KIF16B: variants seen among roughly 807,000 people sequenced by gnomAD.
KIF16B encodes the protein kinesin family member 16B.
A neutral mutation model predicts 156.3 loss-of-function variants in KIF16B; 98 were observed. That is an observed-to-expected ratio of 0.63 (90% CI 0.53 to 0.74). KIF16B has a LOEUF of 0.74. Among genes scored for constraint, KIF16B ranks in the 30% least tolerant of loss-of-function variants. The probability of loss-of-function intolerance (pLI) is 0.00; values close to 1 mark genes in which losing one functional copy is unlikely to be tolerated. For synonymous variants in KIF16B, 564 were observed against 583.7 expected, an observed-to-expected ratio of 0.97 and a Z score of 0.49; for missense variants, 1,421 against 1,606.5, an observed-to-expected ratio of 0.88 and a Z score of 1.97.
chr20:16,496,204 T>G (rs181105030), intron 11 of KIF16B, among the ~76,000 whole-genome samples: 77 of 152,316 alleles, frequency 5.1e-4, no homozygotes, highest in Non-Finnish European at 9.8e-4. Context: ...AAAAGACTGG[T>G]GTACTGAATT....
intron 1 of KIF16B, among the ~76,000 whole-genome samples, chr20:16,543,916 G>A (rs1600666759): frequency 6.6e-6 from 1 of 152,140 alleles, no homozygotes; most frequent in South Asian, 2.1e-4. Flanking sequence ...CTCAGTAAGC[G>A]ATCAATACTT....
At chr20:16,402,997 G>A (rs2065693042) in intron 17 of KIF16B, among the ~76,000 whole-genome samples, 1 of 152,178 alleles carries the variant, frequency 6.6e-6, no homozygotes, top group Admixed American at 6.5e-5. Flanking sequence ...GCAAAGAGGG[G>A]CCCATGGCTA....
intron 6 of KIF16B, among the ~76,000 whole-genome samples, chr20:16,511,208 G>T (rs2068945126): frequency 6.6e-6 from 1 of 152,198 alleles, no homozygotes; most frequent in Non-Finnish European, 1.5e-5. Context: ...AAATCTATTG[G>T]TAAGCCTCAT....
chr20:16,437,742 G>A (rs1257874496), intron 12 of KIF16B, among the ~76,000 whole-genome samples: 1 of 152,182 alleles, frequency 6.6e-6, no homozygotes, highest in African/African-American at 2.4e-5. Context: ...AGGGAACTCA[G>A]TAAGGAGGTA....
intron 22 of KIF16B, chr20:16,367,828 T>C (rs2064713628): frequency 6.2e-7 from 1 of 1,609,696 alleles, no homozygotes; most frequent in Non-Finnish European, 8.5e-7. Context: ...ACGACACAGC[T>C]GTTGAGAGAG....
At chr20:16,341,133 C>T (rs1316766256) in intron 23 of KIF16B, among the ~76,000 whole-genome samples, 1 of 152,166 alleles carries the variant, frequency 6.6e-6, no homozygotes, top group Non-Finnish European at 1.5e-5. Flanking sequence ...CCCAAAGCTA[C>T]CTTTTCTATG....
intron 6 of KIF16B, among the ~76,000 whole-genome samples, 160 bp downstream of exon 6, chr20:16,511,258 G>A (rs16997773): frequency 0.017 from 2,655 of 152,102 alleles, 59 homozygotes; most frequent in African/African-American, 0.05. Context: ...ATTCACTAAC[G>A]GAACATCATG....
At chr20:16,383,372 C>T (rs910222082) in intron 17 of KIF16B, among the ~76,000 whole-genome samples, 3 of 152,200 alleles carry the variant, frequency 2.0e-5, no homozygotes, top group Middle Eastern at 3.4e-3. Context: ...TCCAAAATAC[C>T]GTCTATTAAC....
chr20:16,540,300 G>C (rs1426514465), intron 1 of KIF16B, among the ~76,000 whole-genome samples: 3 of 152,116 alleles, frequency 2.0e-5, no homozygotes, highest in African/African-American at 7.2e-5. Context: ...GTGACCTCTG[G>C]AGAGTGAGTG....
chr20:16,563,189 G>A (rs1448053173), intron 1 of KIF16B, among the ~76,000 whole-genome samples: 3 of 152,144 alleles, frequency 2.0e-5, no homozygotes, highest in Admixed American at 1.3e-4. Context: ...CAAATGCTCC[G>A]CCCAGGGATA....
At chr20:16,294,682 T>C (rs1281763701) in intron 25 of KIF16B, among the ~76,000 whole-genome samples, 1 of 151,424 alleles carries the variant, frequency 6.6e-6, no homozygotes, top group Non-Finnish European at 1.5e-5. Flanking sequence ...CTAACAGACC[T>C]GGTGGGGTGC....
chr20:16,496,741 A>G (rs993686167), intron 11 of KIF16B, among the ~76,000 whole-genome samples: 27 of 152,216 alleles, frequency 1.8e-4, no homozygotes, highest in African/African-American at 5.8e-4. Flanking sequence ...TAGAATTTGA[A>G]GCACTAATAA....
intron 12 of KIF16B, among the ~76,000 whole-genome samples, chr20:16,433,348 A>G (rs1043417078): frequency 2.6e-5 from 4 of 151,846 alleles, no homozygotes; most frequent in East Asian, 1.9e-4. Context: ...GAAGTAGACA[A>G]TAACCCCCCA....
chr20:16,501,907 T>G (rs1173500521), intron 10 of KIF16B, among the ~76,000 whole-genome samples: 3 of 152,228 alleles, frequency 2.0e-5, no homozygotes, highest in Non-Finnish European at 4.4e-5. Flanking sequence ...ATACTGGTAC[T>G]GTACTGTCTC....
chr20:16,296,731 G>C (rs2063392754), intron 25 of KIF16B, among the ~76,000 whole-genome samples: 1 of 152,220 alleles, frequency 6.6e-6, no homozygotes, highest in African/African-American at 2.4e-5. Flanking sequence ...GCCGTATCTG[G>C]GGTGAATAAA....
At chr20:16,371,464 G>A (rs1201156564) in intron 21 of KIF16B, among the ~76,000 whole-genome samples, 1 of 151,758 alleles carries the variant, frequency 6.6e-6, no homozygotes, top group African/African-American at 2.4e-5. Flanking sequence ...GGTGGCAGGC[G>A]CCTATAGTCC....
At chr20:16,293,632 A>T (rs1316320037) in intron 25 of KIF16B, among the ~76,000 whole-genome samples, 1 of 152,194 alleles carries the variant, frequency 6.6e-6, no homozygotes, top group African/African-American at 2.4e-5. Context: ...GCCAAGGATG[A>T]TGGAGAAGGA....
chr20:16,434,753 G>A lies in KIF16B; in HGVS notation c.1303-4771C>T, dbSNP rs145983547. On this transcript the variant is annotated intron_variant, in intron 12 of 25. Transcript: ENST00000354981. Reference sequence around the variant, plus strand: ...GCACTTTTTTTTTCTGAACAGACAAGAATGAAATGTCAGGATCTTTTTGTG... The same window carrying A: ...GCACTTTTTTTTTCTGAACAGACAAAAATGAAATGTCAGGATCTTTTTGTG... Among the ~76,000 whole-genome samples, 9 of 152,204 alleles carry A rather than the reference G, an allele frequency of 5.9e-5. No homozygotes were observed. The East Asian group carries it at 1.7e-3, about 29-fold the overall frequency.
intron 25 of KIF16B, among the ~76,000 whole-genome samples, chr20:16,274,562 C>T (rs1343864471): frequency 1.3e-5 from 2 of 152,226 alleles, no homozygotes; most frequent in Non-Finnish European, 2.9e-5. Context: ...GCTTAAAAAA[C>T]CCAAACAACC....
Sources: allele counts gnomAD v4.1 joint callset (sites outside exome capture counted in the v4.1 genomes callset), GRCh38; gene constraint gnomAD v4.1.1; transcripts MANE v1.5; gene names NCBI Gene and HGNC (gene_info 2026-07-23, HGNC 2026-07-21).